FSTL4: variants seen among roughly 807,000 people sequenced by gnomAD.
FSTL4 encodes the protein follistatin like 4, also known as follistatin-related protein 4.
A neutral mutation model predicts 78.2 loss-of-function variants in FSTL4; 28 were observed. The ratio of observed to expected loss-of-function variants is 0.36; its 90% CI spans 0.27 to 0.49. The LOEUF (loss-of-function observed/expected upper bound fraction) is 0.49. FSTL4 is among the 20% of genes least tolerant of loss of function. The pLI is 0.98. For missense variants in FSTL4, 922 were observed against 1,084.9 expected (o/e 0.85, Z 2.11); for synonymous variants, 422 against 440.5 (o/e 0.96, Z 0.53).
chr5:133,360,852 G>A lies in FSTL4; in HGVS notation c.409+39886C>T, dbSNP rs77915284. Among the ~76,000 whole-genome samples the A allele has an allele frequency of 6.6e-3, 1,007 of 152,260 alleles. 9 individuals carry two copies. Among genetic ancestry groups the A allele is most frequent in the African/African-American group, 0.023 (967 of 41,536 alleles). Reference sequence around the variant, plus strand: ...GATGGCGCGTCCCATTCTCTGTCATGTTTCCCAATTATCACCGTGAGTGAT... The same window carrying A: ...GATGGCGCGTCCCATTCTCTGTCATATTTCCCAATTATCACCGTGAGTGAT... On this transcript the variant is annotated intron_variant, in intron 4 of 15. Transcript: ENST00000265342.
chr5:133,806,035 G>T, the FSTL4 span, among the ~76,000 whole-genome samples: 2 of 152,218 alleles, frequency 1.3e-5, no homozygotes, highest in Non-Finnish European at 2.9e-5. Flanking sequence ...AATCACCCCA[G>T]CCAATACTGC....
At chr5:133,833,364 A>G in the FSTL4 span, among the ~76,000 whole-genome samples, 1 of 152,242 alleles carries the variant, frequency 6.6e-6, no homozygotes, top group South Asian at 2.1e-4. Flanking sequence ...TTTTTGAAAC[A>G]TACTTTATTT....
chr5:133,560,808 C>G (rs372635633), intron 3 of FSTL4, among the ~76,000 whole-genome samples: 60 of 151,812 alleles, frequency 4.0e-4, no homozygotes, highest in African/African-American at 1.4e-3. Flanking sequence ...ATTCTTCGGC[C>G]AGGAGTGGTG....
the FSTL4 span, among the ~76,000 whole-genome samples, chr5:133,813,715 T>G: frequency 8.3e-4 from 126 of 152,354 alleles, 1 homozygote; most frequent in African/African-American, 2.8e-3. Context: ...GTGTAAATAA[T>G]GGGCACCAGC....
the FSTL4 span, among the ~76,000 whole-genome samples, chr5:133,779,068 A>T: frequency 1.3e-5 from 2 of 152,218 alleles, no homozygotes; most frequent in Admixed American, 1.3e-4. Flanking sequence ...CATAGTACCC[A>T]TCTTGAACTC....
At chr5:133,790,068 C>A in the FSTL4 span, among the ~76,000 whole-genome samples, 10 of 152,176 alleles carry the variant, frequency 6.6e-5, no homozygotes, top group Admixed American at 5.9e-4. Flanking sequence ...CACCTCTGGT[C>A]TCCGCCTCTC....
At chr5:133,526,848 C>T (rs541933508) in intron 3 of FSTL4, among the ~76,000 whole-genome samples, 13 of 152,262 alleles carry the variant, frequency 8.5e-5, no homozygotes, top group South Asian at 8.3e-4. Flanking sequence ...AGCTGGTGAA[C>T]GGGCTGAAGT....
At chr5:133,717,793 A>T in the FSTL4 span, among the ~76,000 whole-genome samples, 3 of 152,062 alleles carry the variant, frequency 2.0e-5, no homozygotes, top group African/African-American at 7.2e-5. Flanking sequence ...TGCATCATGC[A>T]GATACACCAT....
chr5:133,745,538 C>T, the FSTL4 span, among the ~76,000 whole-genome samples: 2 of 152,192 alleles, frequency 1.3e-5, no homozygotes, highest in African/African-American at 4.8e-5. Flanking sequence ...GTTGCCTTCC[C>T]TAAGCGGGCC....
At chr5:133,677,397 A>G in the FSTL4 span, among the ~76,000 whole-genome samples, 2 of 152,156 alleles carry the variant, frequency 1.3e-5, no homozygotes, top group African/African-American at 2.4e-5. Flanking sequence ...TTATACTCTC[A>G]TTGTCCATGC....
At chr5:133,527,784 G>T (rs1456234504) in intron 3 of FSTL4, among the ~76,000 whole-genome samples, 2 of 152,178 alleles carry the variant, frequency 1.3e-5, no homozygotes, top group Non-Finnish European at 2.9e-5. Context: ...AACCAGCAGG[G>T]TGCCTGGCCC....
chr5:133,412,016 T>C (rs1756487260), intron 3 of FSTL4, among the ~76,000 whole-genome samples: 1 of 152,108 alleles, frequency 6.6e-6, no homozygotes, highest in African/African-American at 2.4e-5. Flanking sequence ...CCATAGGACC[T>C]ATATAAAAAA....
the FSTL4 span, among the ~76,000 whole-genome samples, chr5:133,745,428 T>G: frequency 2.0e-5 from 3 of 152,254 alleles, 1 homozygote; most frequent in Non-Finnish European, 4.4e-5. Flanking sequence ...CCACAGAAGC[T>G]GCTGGTGGGG....
chr5:133,546,304 C>T (rs957469092), intron 3 of FSTL4, among the ~76,000 whole-genome samples: 2 of 151,854 alleles, frequency 1.3e-5, no homozygotes, highest in African/African-American at 2.4e-5. Context: ...GTCAGGAGTT[C>T]GAGACCAGCC....
At chr5:133,240,673 G>A (rs1489823074) in intron 7 of FSTL4, among the ~76,000 whole-genome samples, 1 of 152,104 alleles carries the variant, frequency 6.6e-6, no homozygotes. Flanking sequence ...CTTAGCGCAT[G>A]ACTCATCTCT....
chr5:133,507,784 G>C (rs952664331), intron 3 of FSTL4, among the ~76,000 whole-genome samples: 4 of 151,914 alleles, frequency 2.6e-5, no homozygotes, highest in Admixed American at 2.6e-4. Flanking sequence ...GCCTCCTAAA[G>C]TGCTGGGGTT....
At chr5:133,387,240 T>C (rs914914893) in intron 4 of FSTL4, among the ~76,000 whole-genome samples, 4 of 152,232 alleles carry the variant, frequency 2.6e-5, no homozygotes, top group Middle Eastern at 3.4e-3. Flanking sequence ...TGACACACAC[T>C]GAAAGGGGAT....
chr5:133,551,755 T>C (rs1759695497), intron 3 of FSTL4, among the ~76,000 whole-genome samples: 1 of 152,260 alleles, frequency 6.6e-6, no homozygotes, highest in South Asian at 2.1e-4. Flanking sequence ...ATTAGAGCTA[T>C]TCTGGTCTAC....
intron 4 of FSTL4, among the ~76,000 whole-genome samples, chr5:133,365,476 G>A (rs936091739): frequency 3.9e-5 from 6 of 152,120 alleles, no homozygotes; most frequent in Admixed American, 1.3e-4. Context: ...TCATTTGAGC[G>A]GCCACCAGGG....
Sources: gnomAD v4.1 joint callset for allele counts (sites outside exome capture counted in the v4.1 genomes callset) on GRCh38, gnomAD v4.1.1 for gene constraint, MANE v1.5 for transcripts, NCBI Gene and HGNC (gene_info 2026-07-23, HGNC 2026-07-21) for gene names.